The following TSNARE1 variants were observed in gnomAD, a reference collection of about 807,000 sequenced individuals.
The protein encoded by TSNARE1 is t-SNARE domain containing 1.
In TSNARE1, 49 loss-of-function variants were observed where a neutral mutation model predicts 62.0. That is an observed-to-expected ratio of 0.79 (90% CI 0.63 to 1.00). The LOEUF (loss-of-function observed/expected upper bound fraction) is 1.00, where lower values mean the gene tolerates loss of function less well. TSNARE1 is among the 50% of genes least tolerant of loss of function. The probability of loss-of-function intolerance (pLI) is 0.00; values close to 1 mark genes in which losing one functional copy is unlikely to be tolerated. For synonymous variants in TSNARE1, 328 were observed against 294.4 expected, an observed-to-expected ratio of 1.11 and a Z score of -1.17; for missense variants, 755 against 700.1, an observed-to-expected ratio of 1.08 and a Z score of -0.88.
At chr8:142,219,954 A>G (rs1480623790) in intron 13 of TSNARE1, among the ~76,000 whole-genome samples, 1 of 152,148 alleles carries the variant, frequency 6.6e-6, no homozygotes, top group Non-Finnish European at 1.5e-5. Context: ...TGAGGAAGAG[A>G]CGGAGGGGAA....
intron 11 of TSNARE1, chr8:142,278,304 G>C: frequency 6.1e-6 from 6 of 985,462 alleles, no homozygotes; most frequent in Non-Finnish European, 6.0e-6. Context: ...GAGCAGCTGA[G>C]GATGCCCCAG....
intron 11 of TSNARE1, among the ~76,000 whole-genome samples, chr8:142,283,716 T>C (rs1208441077): frequency 6.6e-6 from 1 of 150,954 alleles, no homozygotes; most frequent in African/African-American, 2.4e-5. Flanking sequence ...GGCCAGTGTC[T>C]GTCAATGAGC....
intron 1 of TSNARE1, 78 bp from the exon 2 acceptor site, chr8:142,354,841 C>T (rs947795678): frequency 7.6e-6 from 6 of 790,146 alleles, no homozygotes; most frequent in East Asian, 5.4e-5. Flanking sequence ...GCACAGGGGC[C>T]GCCGGCCCCT....
intron 12 of TSNARE1, among the ~76,000 whole-genome samples, chr8:142,253,240 C>T (rs543887186): frequency 3.9e-5 from 6 of 152,328 alleles, no homozygotes; most frequent in Admixed American, 6.5e-5. Context: ...GCAGTGGTGA[C>T]GGCGGTGCCT....
intron 11 of TSNARE1, among the ~76,000 whole-genome samples, chr8:142,281,503 C>A (rs1680253509): frequency 6.6e-6 from 1 of 151,932 alleles, no homozygotes; most frequent in Non-Finnish European, 1.5e-5. Flanking sequence ...CACAGGCAGG[C>A]CAGGGCTGCT....
At chr8:142,278,846 A>T in intron 11 of TSNARE1, 1 of 970,330 alleles carries the variant, frequency 1.0e-6, no homozygotes, top group Non-Finnish European at 1.2e-6. Flanking sequence ...AGGCCACTGC[A>T]GGCCAGAGTG....
chr8:142,222,158 C>CCACTAATTCACTCACTCACT (rs1816312691), intron 13 of TSNARE1, among the ~76,000 whole-genome samples: 1 of 101,534 alleles, frequency 9.8e-6, no homozygotes. Context: ...ACTCACTCAT[C>CCACTAATTCACTCACTCACT]CACTCATCCA....
At chr8:142,274,701 C>T (rs1167510434) in intron 12 of TSNARE1, 80 bp downstream of exon 12, 1 of 1,407,930 alleles carries the variant, frequency 7.1e-7, no homozygotes, top group African/African-American at 1.5e-5. Flanking sequence ...CTGGGCCCCT[C>T]CAGACAGACG....
intron 2 of TSNARE1, among the ~76,000 whole-genome samples, chr8:142,347,970 G>T (rs914503377): frequency 2.6e-5 from 4 of 152,172 alleles, no homozygotes; most frequent in African/African-American, 4.8e-5. Flanking sequence ...TGCTCCCCAC[G>T]CCCCTCGAGG....
chr8:142,331,072 GC>G, intron 5 of TSNARE1, 102 bp from the exon 6 acceptor site: 1 of 1,043,682 alleles, frequency 9.6e-7, no homozygotes, highest in Non-Finnish European at 1.4e-6. Flanking sequence ...GGTGAGCAGA[GC>G]CCAGGGACCA....
chr8:142,294,237 CT>C (rs1211817684), intron 10 of TSNARE1, among the ~76,000 whole-genome samples: 4 of 152,060 alleles, frequency 2.6e-5, no homozygotes, highest in South Asian at 2.1e-4. Context: ...CCCAGGGCCC[CT>C]GGGAGAATCG....
intron 13 of TSNARE1, among the ~76,000 whole-genome samples, chr8:142,222,766 A>AC (rs1347541152): frequency 6.5e-4 from 9 of 13,948 alleles, no homozygotes; most frequent in South Asian, 3.7e-3. Flanking sequence ...TCACTCACTC[A>AC]TTCACTCATC....
intron 7 of TSNARE1, 93 bp downstream of exon 7, chr8:142,318,451 C>T: frequency 1.6e-6 from 2 of 1,288,692 alleles, no homozygotes; most frequent in Non-Finnish European, 2.2e-6. Context: ...GTCAGCCTCC[C>T]TGTATCCTGC....
Position 142,313,416 on chromosome 8 carries a change from G to C in TSNARE1, c.1131+968C>G, listed in dbSNP as rs199530982. Among the ~76,000 whole-genome samples the C allele has an allele frequency of 1.2e-3, 155 of 133,434 alleles. 5 individuals are homozygous for C. The East Asian group carries it at 0.035, about 30-fold the overall frequency. The allele number at this position is 133,434 out of a possible 152,430, so 87.5% of individuals were successfully genotyped here. Reference sequence around the variant, plus strand: ...TCTGCGTGTCTGTGTTTATGTGTCTGTGTGTTTATCTGCATGTTGTCTACA... The same window carrying C: ...TCTGCGTGTCTGTGTTTATGTGTCTCTGTGTTTATCTGCATGTTGTCTACA... On this transcript the variant is annotated intron_variant, in intron 9 of 13. Transcript: ENST00000524325.
intron 1 of TSNARE1, among the ~76,000 whole-genome samples, chr8:142,371,795 T>C (rs1835936588): frequency 6.6e-6 from 1 of 152,228 alleles, no homozygotes; most frequent in Non-Finnish European, 1.5e-5. Context: ...TACAAATTTT[T>C]AGCCTAAGCT....
chr8:142,244,047 G>A (rs763465919), intron 12 of TSNARE1, among the ~76,000 whole-genome samples: 11 of 152,156 alleles, frequency 7.2e-5, no homozygotes, highest in African/African-American at 9.7e-5. Flanking sequence ...TTAGCCGGGC[G>A]TGGTGGCAGG....
chr8:142,271,236 G>A (rs1360379920), intron 12 of TSNARE1: 22 of 1,011,294 alleles, frequency 2.2e-5, no homozygotes, highest in South Asian at 4.6e-5. Flanking sequence ...GAGGCTTCCC[G>A]GGTAGGGCGT....
chr8:142,285,242 A>AGATGGACGGATGGGTAGGTG (rs1822495101), intron 10 of TSNARE1, among the ~76,000 whole-genome samples: 1 of 126,012 alleles, frequency 7.9e-6, no homozygotes, highest in East Asian at 2.4e-4. Flanking sequence ...ATGGATGGGT[A>AGATGGACGGATGGGTAGGTG]GATGGATGGA....
chr8:142,330,853 A>G (rs1830925551), intron 6 of TSNARE1, 48 bp downstream of exon 6: 2 of 1,595,528 alleles, frequency 1.3e-6, no homozygotes, highest in East Asian at 2.2e-5. Context: ...CCTGCCCCCC[A>G]ATGTGCACCA....
Sources: allele counts gnomAD v4.1 joint callset (sites outside exome capture counted in the v4.1 genomes callset), GRCh38; gene constraint gnomAD v4.1.1; transcripts MANE v1.5; gene names NCBI Gene and HGNC (gene_info 2026-07-23, HGNC 2026-07-21).